The following SAMMSON variants were observed in gnomAD, a reference collection of about 807,000 sequenced individuals.
SAMMSON encodes long intergenic non-protein coding RNA 1212.
chr3:70,037,986 A>G (rs2067092465), intron 3 of SAMMSON, among the ~76,000 whole-genome samples: 1 of 152,168 alleles, frequency 6.6e-6, no homozygotes, highest in African/African-American at 2.4e-5. Context: ...TGAGAAAAAC[A>G]AGTCAGAGAA....
intron 6 of SAMMSON, among the ~76,000 whole-genome samples, chr3:70,287,354 T>G (rs1702176992): frequency 6.7e-6 from 1 of 149,468 alleles, no homozygotes; most frequent in African/African-American, 2.5e-5. Context: ...ATATGCTGGA[T>G]TACATTTATT....
chr3:70,328,555 A>G (rs1702597663), intron 7 of SAMMSON, among the ~76,000 whole-genome samples: 1 of 152,182 alleles, frequency 6.6e-6, no homozygotes, highest in Non-Finnish European at 1.5e-5. Context: ...ATAAGAAAGA[A>G]CAGATTAAGG....
rs564107210 is a variant in SAMMSON, at chr3:70,400,356, A to C, written n.233+42032A>C. Reference sequence around the variant, plus strand: ...GGATCAATGCCCTCCCTCAAGGGTGAGTGAGTTCTTGCTCATGCTAGAGCA... The same window carrying C: ...GGATCAATGCCCTCCCTCAAGGGTGCGTGAGTTCTTGCTCATGCTAGAGCA... On this transcript the variant is annotated intron_variant and non_coding_transcript_variant, in intron 2 of 3. Transcript: ENST00000641053. 6.6e-5 allele frequency among the ~76,000 whole-genome samples: 10 copies of C among 152,226 alleles called. No homozygotes were observed. The South Asian group carries it at 1.7e-3, about 25-fold the overall frequency.
chr3:70,157,598 C>T (rs1216943712), intron 4 of SAMMSON, among the ~76,000 whole-genome samples: 2 of 151,950 alleles, frequency 1.3e-5, no homozygotes, highest in Admixed American at 1.3e-4. Flanking sequence ...AATACAATTG[C>T]CAGATTAAGA....
intron 3 of SAMMSON, among the ~76,000 whole-genome samples, chr3:70,049,460 A>G (rs2107588813): frequency 6.6e-6 from 1 of 152,306 alleles, no homozygotes; most frequent in South Asian, 2.1e-4. Context: ...TTTGGAGTTA[A>G]AACTGGCTGC....
chr3:70,017,156 G>T (rs187146723), intron 3 of SAMMSON, among the ~76,000 whole-genome samples: 2,397 of 152,204 alleles, frequency 0.016, 36 homozygotes, highest in Middle Eastern at 0.051. Flanking sequence ...GGATGGCATT[G>T]AATCTCTAAA....
At chr3:70,418,405 C>T (rs73837924) in intron 2 of SAMMSON, among the ~76,000 whole-genome samples, 1,791 of 152,264 alleles carry the variant, frequency 0.012, 29 homozygotes, top group African/African-American at 0.04. Context: ...TGTATTATCT[C>T]GGAATGGGGT....
intron 4 of SAMMSON, among the ~76,000 whole-genome samples, chr3:70,106,541 T>C (rs1434286208): frequency 6.6e-6 from 1 of 151,302 alleles, no homozygotes; most frequent in Non-Finnish European, 1.5e-5. Context: ...AGTCTTGGTA[T>C]GTTACCCAGG....
chr3:70,376,952 T>C (rs1368075778), intron 9 of SAMMSON, among the ~76,000 whole-genome samples: 1 of 152,152 alleles, frequency 6.6e-6, no homozygotes, highest in African/African-American at 2.4e-5. Context: ...TTCTAATAAC[T>C]GCAGAAATAT....
At chr3:70,420,364 T>C (rs1396421852) in intron 2 of SAMMSON, among the ~76,000 whole-genome samples, 1 of 152,162 alleles carries the variant, frequency 6.6e-6, no homozygotes, top group East Asian at 1.9e-4. Flanking sequence ...TTTTCAGAAA[T>C]GTGCTGGTAG....
At chr3:70,178,244 A>G (rs959574064) in intron 4 of SAMMSON, among the ~76,000 whole-genome samples, 1 of 151,928 alleles carries the variant, frequency 6.6e-6, no homozygotes, top group African/African-American at 2.4e-5. Context: ...TATGCTGGGG[A>G]TGTGTGGAGG....
intron 9 of SAMMSON, among the ~76,000 whole-genome samples, chr3:70,383,464 A>G (rs571383252): frequency 2.0e-5 from 3 of 152,078 alleles, no homozygotes; most frequent in Non-Finnish European, 2.9e-5. Context: ...GAAGACTAAA[A>G]CTATGGCCAT....
At chr3:70,018,415 T>C (rs1266975764) in intron 3 of SAMMSON, among the ~76,000 whole-genome samples, 3 of 152,168 alleles carry the variant, frequency 2.0e-5, no homozygotes, top group African/African-American at 7.2e-5. Flanking sequence ...TTCTGTGGGA[T>C]CGGTGGTGAT....
chr3:70,175,363 G>C (rs1450187970), intron 4 of SAMMSON, among the ~76,000 whole-genome samples: 1 of 152,026 alleles, frequency 6.6e-6, no homozygotes, highest in South Asian at 2.1e-4. Flanking sequence ...ACCAATCAGA[G>C]TTATCAAAGA....
chr3:70,026,900 C>T (rs2067042581), intron 3 of SAMMSON, among the ~76,000 whole-genome samples: 1 of 151,986 alleles, frequency 6.6e-6, no homozygotes, highest in African/African-American at 2.4e-5. Context: ...AAGAAGCATC[C>T]CCGGATGGTG....
At chr3:70,162,490 T>G (rs892011847) in intron 4 of SAMMSON, among the ~76,000 whole-genome samples, 1 of 151,970 alleles carries the variant, frequency 6.6e-6, no homozygotes, top group Non-Finnish European at 1.5e-5. Flanking sequence ...TTCCATTTGA[T>G]TGAAGAACAT....
intron 2 of SAMMSON, among the ~76,000 whole-genome samples, chr3:70,399,876 A>G (rs979851042): frequency 6.7e-6 from 1 of 149,514 alleles, no homozygotes; most frequent in Admixed American, 6.6e-5. Flanking sequence ...ACAAAAAAAA[A>G]ACAAAAAAAC....
intron 2 of SAMMSON, among the ~76,000 whole-genome samples, chr3:70,415,967 T>G (rs1281409262): frequency 6.6e-6 from 1 of 152,236 alleles, no homozygotes; most frequent in Non-Finnish European, 1.5e-5. Context: ...CCTATCACTA[T>G]TTTGATGTAA....
chr3:70,145,471 C>T (rs1188941207), intron 4 of SAMMSON, among the ~76,000 whole-genome samples: 1 of 152,052 alleles, frequency 6.6e-6, no homozygotes, highest in Non-Finnish European at 1.5e-5. Flanking sequence ...AATCTTAGCA[C>T]ATTTAAAATA....
Sources: allele counts gnomAD v4.1 joint callset (sites outside exome capture counted in the v4.1 genomes callset), GRCh38; gene constraint gnomAD v4.1.1; transcripts MANE v1.5; gene names NCBI Gene and HGNC (gene_info 2026-07-23, HGNC 2026-07-21).